Variants in CBR4 observed in about 807,000 individuals in gnomAD.
CBR4 encodes the protein carbonyl reductase 4, also known as 3-oxoacyl-[acyl-carrier-protein] reductase.
Under a neutral mutation model 21.0 loss-of-function variants are expected in CBR4, and 22 were observed. The observed-to-expected ratio is 1.05, with a 90% CI of 0.75 to 1.50. The LOEUF is 1.50. Among genes scored for constraint, CBR4 ranks in the 40% most tolerant of loss-of-function variants. CBR4 has a pLI of 0.00. For missense variants in CBR4, 302 were observed against 286.3 expected (o/e 1.05, Z -0.40); for synonymous variants, 100 against 104.4 (o/e 0.96, Z 0.26).
At chr4:168,983,091 T>A (rs1423339253), downstream of CBR4, among the ~76,000 whole-genome samples, 1 of 151,996 alleles carries the variant, frequency 6.6e-6, no homozygotes, top group Non-Finnish European at 1.5e-5. Flanking sequence ...ATGAAATAGA[T>A]GAGAAAAACC....
At chr4:168,894,747 A>G (rs923842193) in exon 3 of CBR4, 71 of 1,567,142 alleles carry the variant, frequency 4.5e-5, no homozygotes, top group Non-Finnish European at 5.8e-5. Context: ...CCTTATGGAT[A>G]CTGTTCTTGG....
Position 168,987,984 on chromosome 4 carries a change from T to C in CBR4, c.*2166A>G. ...TTGTTAATGCTAAGCACAGAACCCTTATGGGCTCATAGGAGTCAGCAAACA... is the reference window on the plus strand; with the variant it reads ...TTGTTAATGCTAAGCACAGAACCCTCATGGGCTCATAGGAGTCAGCAAACA... On this transcript the variant is annotated 3_prime_UTR_variant, in exon 5 of 5. Coordinates refer to ENST00000306193, the MANE Select transcript of CBR4 (RefSeq NM_032783.5). The C allele has an allele frequency of 1.0e-6, 1 of 985,442 alleles. No individual in the cohort carries two copies. The highest frequency in any genetic ancestry group is 1.2e-6 in the Non-Finnish European group (1 of 829,908). 61.0% of individuals were successfully genotyped at this position (985,442 alleles called of 1,614,324 possible).
chr4:168,960,521 A>G (rs1268586570), intron 2 of CBR4, among the ~76,000 whole-genome samples: 1 of 152,230 alleles, frequency 6.6e-6, no homozygotes, highest in African/African-American at 2.4e-5. Context: ...ACATTTTTCT[A>G]CTATTGTATA....
chr4:168,943,825 G>A (rs770442223), intron 2 of CBR4, among the ~76,000 whole-genome samples: 5 of 152,106 alleles, frequency 3.3e-5, no homozygotes, highest in Non-Finnish European at 5.9e-5. Flanking sequence ...TAGGAGGATC[G>A]CTTGAACCCG....
Position 168,980,843 on chromosome 4 carries a change from G to A in CBR4, n.169+21228C>T, listed in dbSNP as rs118043847. ...ACACCATGATTAAAGGAACATTAGC[G>A]CCCACACAGATGAGAAACAGCCAGT... On this transcript the variant is annotated intron_variant and non_coding_transcript_variant, in intron 2 of 3. Transcript: ENST00000509108. Among the ~76,000 whole-genome samples, 188 of 152,246 alleles carry A rather than the reference G, an allele frequency of 1.2e-3. 1 individual carries two copies. In the East Asian group the frequency reaches 0.029, roughly 24 times the overall value.
chr4:168,917,151 T>A (rs1760340035), intron 2 of CBR4, among the ~76,000 whole-genome samples: 1 of 150,480 alleles, frequency 6.6e-6, no homozygotes, highest in African/African-American at 2.5e-5. Context: ...CAGGTTCAAG[T>A]GATTCTCCTG....
At chr4:168,927,589 T>C (rs933863252) in intron 2 of CBR4, 1 of 229,430 alleles carries the variant, frequency 4.4e-6, no homozygotes, top group Admixed American at 5.7e-5. Context: ...GTTTGTGCCA[T>C]AAAGTATTTT....
intron 2 of CBR4, among the ~76,000 whole-genome samples, chr4:168,917,045 TG>T (rs34363729): frequency 0.016 from 2,191 of 136,080 alleles, 53 homozygotes; most frequent in African/African-American, 0.041. Flanking sequence ...TTTGTTTTTT[TG>T]GGGTTTTTTT....
At chr4:169,000,725 A>T (rs1730359423) in intron 4 of CBR4, among the ~76,000 whole-genome samples, 2 of 152,338 alleles carry the variant, frequency 1.3e-5, no homozygotes, top group Admixed American at 1.3e-4. Context: ...AACCAAGTAA[A>T]TACCTAATCA....
chr4:168,915,925 C>A lies in CBR4; in HGVS notation n.170-21160G>T. 6.2e-7 allele frequency: 1 copy of A among 1,612,972 alleles called. No homozygotes were observed. The highest frequency in any genetic ancestry group is 8.5e-7 in the Non-Finnish European group (1 of 1,179,000). ...GTTCTAGATCAAGGGACAGTGGAGA[C>A]GAAAATGAACCAATTCAGGAGCGAT... On this transcript the variant is annotated intron_variant and non_coding_transcript_variant, in intron 2 of 3. Coordinates refer to the CBR4 transcript ENST00000509108.
chr4:169,006,182 C>T (rs1730896512), intron 3 of CBR4, among the ~76,000 whole-genome samples: 1 of 152,094 alleles, frequency 6.6e-6, no homozygotes, highest in Non-Finnish European at 1.5e-5. Flanking sequence ...TATTATTTAG[C>T]CACCACTGTC....
chr4:168,907,453 T>C (rs1758033452), intron 2 of CBR4, among the ~76,000 whole-genome samples: 1 of 152,158 alleles, frequency 6.6e-6, no homozygotes, highest in Non-Finnish European at 1.5e-5. Flanking sequence ...GGAAAGGACT[T>C]AGGCAGCAGA....
intron 2 of CBR4, among the ~76,000 whole-genome samples, chr4:168,905,936 A>C (rs1044231389): frequency 6.6e-6 from 1 of 151,716 alleles, no homozygotes; most frequent in African/African-American, 2.4e-5. Context: ...ACGCTCAGCT[A>C]ATTTTTTGTA....
At chr4:168,954,075 T>C (rs926845850) in intron 2 of CBR4, among the ~76,000 whole-genome samples, 1 of 152,118 alleles carries the variant, frequency 6.6e-6, no homozygotes, top group Non-Finnish European at 1.5e-5. Flanking sequence ...GAGAGATTTA[T>C]GGAATCCACC....
Position 168,921,600 on chromosome 4 carries a change from G to A in CBR4, n.170-26835C>T. On this transcript the variant is annotated intron_variant and non_coding_transcript_variant, in intron 2 of 3. Transcript: ENST00000509108. ...TGGAAAGCCCGTACGCCCTGACAGT[G>A]CTCACAAGATGCTGGTGCGTGAGAA... The A allele has an allele frequency of 6.2e-7, 1 of 1,610,384 alleles. No homozygotes were observed. Among genetic ancestry groups the A allele is most frequent in the East Asian group, 2.2e-5 (1 of 44,730 alleles).
chr4:168,924,542 T>G, intron 2 of CBR4: 4 of 1,021,608 alleles, frequency 3.9e-6, no homozygotes, highest in Non-Finnish European at 6.1e-6. Flanking sequence ...TGATTTTTGA[T>G]GAAATCAATC....
intron 2 of CBR4, among the ~76,000 whole-genome samples, chr4:168,949,006 G>A (rs1763468617): frequency 6.6e-6 from 1 of 152,188 alleles, no homozygotes; most frequent in South Asian, 2.1e-4. Context: ...AGCATGGGAT[G>A]TATTTCCATT....
chr4:168,960,766 A>T (rs11733251), intron 2 of CBR4, among the ~76,000 whole-genome samples: 105,263 of 152,098 alleles, frequency 0.69, 37,804 homozygotes, highest in East Asian at 0.96. Flanking sequence ...GAAAGAAATA[A>T]GTTTGCTGAG....
intron 1 of CBR4, among the ~76,000 whole-genome samples, 177 bp from the exon 2 acceptor site, chr4:169,007,933 C>T (rs1731057975): frequency 6.6e-6 from 1 of 151,980 alleles, no homozygotes; most frequent in Admixed American, 6.6e-5. Context: ...AACTGGGATG[C>T]GGGAACAAAG....
Sources: gnomAD v4.1 joint callset for allele counts (sites outside exome capture counted in the v4.1 genomes callset) on GRCh38, gnomAD v4.1.1 for gene constraint, MANE v1.5 for transcripts, NCBI Gene and HGNC (gene_info 2026-07-23, HGNC 2026-07-21) for gene names.